Variants in WDR44 observed in about 807,000 individuals in gnomAD.
The protein encoded by WDR44 is WD repeat domain 44, also known as WD repeat-containing protein 44.
WDR44 carries 9 observed loss-of-function variants against 65.7 expected under a neutral mutation model. The observed-to-expected ratio is 0.14, with a 90% CI of 0.08 to 0.24. The LOEUF (loss-of-function observed/expected upper bound fraction) is 0.24, where lower values mean the gene tolerates loss of function less well. WDR44 is among the 10% of genes least tolerant of loss of function. The pLI is 1.00. For synonymous variants in WDR44, 220 were observed against 235.2 expected (o/e 0.94, Z 0.59); for missense variants, 425 against 670.9 (o/e 0.63, Z 4.05).
chrX:118,415,504 T>C (rs2057049760), intron 12 of WDR44, among the ~76,000 whole-genome samples: 1 of 111,820 alleles, frequency 8.9e-6, no homozygotes, highest in South Asian at 3.7e-4. Context: ...TGAATCCATC[T>C]GGTCCTGGAC....
intron 8 of WDR44, among the ~76,000 whole-genome samples, chrX:118,403,894 A>G (rs1167709621): frequency 8.9e-6 from 1 of 112,097 alleles, no homozygotes; most frequent in African/African-American, 3.2e-5. Context: ...AAAGCATTCT[A>G]TTTTGTGAGG....
chrX:118,427,181 G>A, intron 12 of WDR44, among the ~76,000 whole-genome samples: 1 of 109,413 alleles, frequency 9.1e-6, no homozygotes, highest in Non-Finnish European at 1.9e-5. Context: ...ATCATAGCAT[G>A]TTGTGACCTC....
At chrX:118,404,694 C>CGTTT (rs769510553) in intron 9 of WDR44, among the ~76,000 whole-genome samples, 28 of 111,532 alleles carry the variant, frequency 2.5e-4, no homozygotes, top group Non-Finnish European at 4.0e-4. Context: ...GAATTAGTTT[C>CGTTT]GTTTGTTTGT....
chrX:118,441,326 G>A, intron 14 of WDR44, 42 bp from the exon 15 acceptor site: 1 of 1,106,205 alleles, frequency 9.0e-7, no homozygotes, highest in Non-Finnish European at 1.2e-6. Flanking sequence ...GTTTTTTCTT[G>A]ATGTGGTAAA....
intron 1 of WDR44, among the ~76,000 whole-genome samples, chrX:118,348,656 T>C (rs531865143): frequency 4.5e-5 from 5 of 111,868 alleles, no homozygotes; most frequent in Middle Eastern, 4.6e-3. Flanking sequence ...CATTTTCCTC[T>C]ATCCTTTGTG....
At chrX:118,410,551 C>T (rs2057004514) in intron 11 of WDR44, among the ~76,000 whole-genome samples, 1 of 111,489 alleles carries the variant, frequency 9.0e-6, no homozygotes, top group Non-Finnish European at 1.9e-5. Flanking sequence ...TTCAGTGGCC[C>T]TTGAGACTAA....
chrX:118,408,214 T>C (rs1056101190), intron 10 of WDR44, among the ~76,000 whole-genome samples: 1 of 111,112 alleles, frequency 9.0e-6, no homozygotes, highest in Non-Finnish European at 1.9e-5. Flanking sequence ...TAGTATTTCT[T>C]GTAATAAGAT....
rs1189141278 is a variant in WDR44, at chrX:118,376,286, A to G, written c.78-2133A>G. Reference sequence around the variant, plus strand: ...GATTGATTTTCTGTTACTCAAAAGTAATTTTTTTAACAAATTAAGTTTTTA... The same window carrying G: ...GATTGATTTTCTGTTACTCAAAAGTGATTTTTTTAACAAATTAAGTTTTTA... On this transcript the variant is annotated intron_variant, in intron 1 of 19. Transcript: ENST00000254029. 7.3e-5 allele frequency among the ~76,000 whole-genome samples: 7 copies of G among 95,715 alleles called. No homozygotes were observed. The East Asian group carries it at 2.4e-3, about 33-fold the overall frequency. The allele number at this position is 95,715 out of a possible 115,157, so 83.1% of individuals were successfully genotyped here.
chrX:118,351,519 C>T (rs888958783), intron 1 of WDR44, among the ~76,000 whole-genome samples: 5 of 112,252 alleles, frequency 4.5e-5, no homozygotes, highest in Admixed American at 2.8e-4. Context: ...CATTTGATCA[C>T]AAATTTGATT....
chrX:118,389,857 G>A (rs1007794190), intron 3 of WDR44, among the ~76,000 whole-genome samples: 1 of 109,572 alleles, frequency 9.1e-6, no homozygotes, highest in East Asian at 2.9e-4. Flanking sequence ...TTATAGGAAT[G>A]CCTTATGTCA....
intron 8 of WDR44, among the ~76,000 whole-genome samples, chrX:118,402,984 G>C (rs1165277366): frequency 1.8e-5 from 2 of 111,502 alleles, no homozygotes; most frequent in Non-Finnish European, 3.8e-5. Flanking sequence ...GATAGTACCA[G>C]ACTCTGTATC....
At chrX:118,429,881 G>A (rs998532930) in intron 12 of WDR44, among the ~76,000 whole-genome samples, 5 of 110,377 alleles carry the variant, frequency 4.5e-5, no homozygotes, top group Non-Finnish European at 9.5e-5. Context: ...GACCTCAGGT[G>A]ATCCGGCTGC....
At position 118,393,246 on chromosome X, in the gene WDR44, G is replaced by A. The variant is rs1205160392; in HGVS notation, c.801G>A (p.Glu267=). ...AAAGGAAAAGCGAATTGGAATTTGA[G>A]ACTCTGAAAACTCCTGATATAGATG... ...PRKRKSELEF[E]TLKTPDIDVP... The change falls in exon 4 of 20, where the codon GAG becomes GAA. Residue 267 remains glutamate (E), a synonymous_variant. Coordinates refer to ENST00000254029, the MANE Select transcript of WDR44 (RefSeq NM_019045.5). 5 of 1,194,822 alleles carry A rather than the reference G, an allele frequency of 4.2e-6. No homozygotes were observed. The highest frequency in any genetic ancestry group is 5.6e-6 in the Non-Finnish European group (5 of 891,155).
chrX:118,430,195 T>TG (rs2057196599), intron 12 of WDR44, among the ~76,000 whole-genome samples: 1 of 59,525 alleles, frequency 1.7e-5, no homozygotes, highest in Non-Finnish European at 3.0e-5. Context: ...AATTTTTCTG[T>TG]TTTTTTTTTT....
chrX:118,431,743 C>T (rs1341366106), intron 12 of WDR44, among the ~76,000 whole-genome samples: 1 of 112,195 alleles, frequency 8.9e-6, no homozygotes, highest in African/African-American at 3.2e-5. Context: ...TGTTCTTGCT[C>T]ATGCTATGTC....
At chrX:118,430,950 G>A (rs910639495) in intron 12 of WDR44, among the ~76,000 whole-genome samples, 4 of 112,231 alleles carry the variant, frequency 3.6e-5, no homozygotes, top group African/African-American at 1.3e-4. Context: ...TCTAGCATTA[G>A]AAGTGCTTGG....
At position 118,353,471 on chromosome X, in the gene WDR44, A is replaced by G. The variant is rs5956042; in HGVS notation, c.77+6891A>G. Among the ~76,000 whole-genome samples the G allele has an allele frequency of 5.6e-3, 629 of 112,311 alleles. 5 individuals are homozygous for G. The highest frequency in any genetic ancestry group is 0.019 in the African/African-American group (593 of 30,940). On this transcript the variant is annotated intron_variant, in intron 1 of 19. Transcript: ENST00000254029. ...AGAGCGCTTCAGGTCTTAGAGTTCT[A>G]TTACCAGCTGCAACTGTCTGGCAGT...
intron 12 of WDR44, among the ~76,000 whole-genome samples, chrX:118,426,217 T>C (rs1405240648): frequency 8.9e-6 from 1 of 112,067 alleles, no homozygotes; most frequent in Non-Finnish European, 1.9e-5. Context: ...AAGTATCTAC[T>C]GATAAAATTA....
intron 1 of WDR44, among the ~76,000 whole-genome samples, chrX:118,370,556 C>T (rs2056605676): frequency 9.1e-6 from 1 of 110,478 alleles, no homozygotes; most frequent in Non-Finnish European, 1.9e-5. Flanking sequence ...TCTTCTTGTA[C>T]AGCCTGCAAA....
Sources: gnomAD v4.1 joint callset for allele counts (sites outside exome capture counted in the v4.1 genomes callset) on GRCh38, gnomAD v4.1.1 for gene constraint, MANE v1.5 for transcripts, NCBI Gene and HGNC (gene_info 2026-07-23, HGNC 2026-07-21) for gene names.